MEGF8: variants seen among roughly 807,000 people sequenced by gnomAD.
MEGF8 encodes multiple EGF like domains 8.
Under a neutral mutation model 302.9 loss-of-function variants are expected in MEGF8, and 156 were observed. The ratio of observed to expected loss-of-function variants is 0.52; its 90% CI spans 0.45 to 0.59. MEGF8 has a LOEUF of 0.59. MEGF8 is among the 20% of genes least tolerant of loss of function. The probability of loss-of-function intolerance (pLI) is 0.00; values close to 1 mark genes in which losing one functional copy is unlikely to be tolerated. For missense variants in MEGF8, 3,345 were observed against 3,964.5 expected (o/e 0.84, Z 4.20); for synonymous variants, 1,621 against 1,660.5 (o/e 0.98, Z 0.58).
rs2039687140 is a variant in MEGF8 at position 42,371,280 on chromosome 19, C to T, written c.7137-70C>T. On this transcript the variant is annotated intron_variant, in intron 40 of 41. Transcript: ENST00000251268. ...CTGGCCTGTTGCACAGAGTTGAGCTCACATATGGGGTGTCCATCCTGGACC... is the reference window on the plus strand; with the variant it reads ...CTGGCCTGTTGCACAGAGTTGAGCTTACATATGGGGTGTCCATCCTGGACC... 4 of 1,565,360 alleles carry T rather than the reference C, an allele frequency of 2.6e-6. No individual in the cohort carries two copies. In the Admixed American group the frequency reaches 5.5e-5, roughly 22 times the overall value.
intron 41 of MEGF8, among the ~76,000 whole-genome samples, chr19:42,371,930 A>T (rs1600078031): frequency 6.6e-6 from 1 of 151,974 alleles, no homozygotes. Context: ...AAAAAAATTT[A>T]AAAATTAGCC....
chr19:42,342,541 G>A (rs964996534), intron 8 of MEGF8, among the ~76,000 whole-genome samples: 19 of 152,082 alleles, frequency 1.2e-4, no homozygotes, highest in Admixed American at 6.6e-4. Context: ...GGAGGCTGAG[G>A]CAGGAGAATG....
chr19:42,350,180 C>T lies in MEGF8; in HGVS notation c.2532C>T (p.Arg844=), dbSNP rs376907694. 5.6e-6 allele frequency: 9 copies of T among 1,613,506 alleles called. No individual in the cohort carries two copies. Among genetic ancestry groups the T allele is most frequent in the Non-Finnish European group, 5.9e-6 (7 of 1,179,612 alleles). Residue 844 remains arginine (R), a synonymous_variant, in exon 15 of 42, where the codon CGC becomes CGT. Coordinates refer to ENST00000251268, the MANE Select transcript of MEGF8 (RefSeq NM_001271938.2). ...CCTTCTTCTTCCTGGAGCCCTACCG[C>T]TCGTCGTCCTGCACCTCCTATTCTT... ...EISFFFLEPY[R]SSSCTSYSSC... is the part of the protein sequence containing the mutation.
chr19:42,364,860 G>A (rs2039581950), intron 35 of MEGF8, among the ~76,000 whole-genome samples: 1 of 152,194 alleles, frequency 6.6e-6, no homozygotes, highest in African/African-American at 2.4e-5. Context: ...TTAAATGGGG[G>A]AGAATTTACT....
chr19:42,356,323 A>T lies in MEGF8; in HGVS notation c.4504-12A>T, dbSNP rs751792590. The T allele has an allele frequency of 5.6e-6, 9 of 1,607,960 alleles. No homozygotes were observed. The South Asian group carries it at 1.0e-4, about 18-fold the overall frequency. On this transcript the variant is annotated splice_polypyrimidine_tract_variant and intron_variant, in intron 25 of 41. Coordinates refer to ENST00000251268, the MANE Select transcript of MEGF8 (RefSeq NM_001271938.2). The surrounding 1 kb of genome is among the most constrained non-coding windows in gnomAD (Gnocchi z 5.2). Reference sequence around the variant, plus strand: ...CCCTAGCCTGATCCCCAATGTCCGCACCCACCCCTAGGACACTGCCAGCCG... The same window carrying T: ...CCCTAGCCTGATCCCCAATGTCCGCTCCCACCCCTAGGACACTGCCAGCCG...
At position 42,344,655 on chromosome 19, in the gene MEGF8, C is replaced by G. The variant is rs1422490566; in HGVS notation, c.1934-15C>G. On this transcript the variant is annotated splice_polypyrimidine_tract_variant and intron_variant, in intron 11 of 41. Coordinates refer to ENST00000251268, the MANE Select transcript of MEGF8 (RefSeq NM_001271938.2). The surrounding 1 kb of genome is among the most constrained non-coding windows in gnomAD (Gnocchi z 4.5). Reference sequence around the variant, plus strand: ...TCCACACTGACCCACCGGCCCCCACCCCCTGTCTTCTCAGAGCAGGCCCGC... The same window carrying G: ...TCCACACTGACCCACCGGCCCCCACGCCCTGTCTTCTCAGAGCAGGCCCGC... The G allele has an allele frequency of 3.2e-6, 5 of 1,563,528 alleles. No homozygotes were observed. The highest frequency in any genetic ancestry group is 4.3e-6 in the Non-Finnish European group (5 of 1,151,090).
Position 42,360,866 on chromosome 19 carries a change from G to C in MEGF8, c.5580G>C (p.Gly1860=), listed in dbSNP as rs1568571996. ...GSRLYISGGF[G]GVALGRLLAL... ...GCCTGTATATCTCTGGGGGTTTCGGGGGAGTGGCCCTGGGCCGCCTGCTGG... is the reference window on the plus strand; with the variant it reads ...GCCTGTATATCTCTGGGGGTTTCGGCGGAGTGGCCCTGGGCCGCCTGCTGG... Residue 1860 remains glycine (G), a synonymous_variant, in exon 32 of 42, where the codon GGG becomes GGC. Transcript: ENST00000251268. 1 of 1,613,532 alleles carries C rather than the reference G, an allele frequency of 6.2e-7. No individual in the cohort carries two copies.
In MEGF8 at chr19:42,363,156, C is replaced by T; in HGVS notation, c.6167C>T (p.Pro2056Leu). The T allele has an allele frequency of 1.2e-6, 2 of 1,612,652 alleles. No individual in the cohort carries two copies. The highest frequency in any genetic ancestry group is 1.7e-6 in the Non-Finnish European group (2 of 1,179,362). ...PMPVESSPPLPCPTPCHLLPN... is the reference protein window; with the variant it reads ...PMPVESSPPLLCPTPCHLLPN... ...CCGGTGGAATCATCACCCCCACTGC[C>T]CTGCCCCACCCCTTGTCACCTCCTA... The change falls in exon 35 of 42, where the codon CCC becomes CTC. Residue 2056 changes from proline to leucine, a missense_variant. Physicochemically the swap from Pro to Leu is moderately conservative, Grantham distance 98. Coordinates refer to ENST00000251268, the MANE Select transcript of MEGF8 (RefSeq NM_001271938.2).
At chr19:42,359,415 T>C (rs2039500632) in intron 31 of MEGF8, among the ~76,000 whole-genome samples, 173 bp downstream of exon 31, 1 of 151,234 alleles carries the variant, frequency 6.6e-6, no homozygotes, top group Admixed American at 6.6e-5. Context: ...CTTTTTTTTT[T>C]CTTAGAGAAG....
chr19:42,334,986 C>A, intron 3 of MEGF8, 49 bp from the exon 4 acceptor site: 1 of 1,551,734 alleles, frequency 6.4e-7, no homozygotes, highest in Non-Finnish European at 8.7e-7. Flanking sequence ...GTCTCTCTGT[C>A]CTTGTCTCTC....
chr19:42,372,441 C>G (rs2039705790), intron 41 of MEGF8, among the ~76,000 whole-genome samples: 1 of 152,148 alleles, frequency 6.6e-6, no homozygotes, highest in South Asian at 2.1e-4. Flanking sequence ...GTCCCAGGCT[C>G]CTTCCTCAGA....
chr19:42,329,046 C>T (rs2039022087), intron 1 of MEGF8, among the ~76,000 whole-genome samples: 5 of 152,130 alleles, frequency 3.3e-5, no homozygotes, highest in Admixed American at 3.3e-4. Context: ...GGTTCTGAAG[C>T]ATGCATAGGA....
At chr19:42,371,212 C>G in intron 40 of MEGF8, 138 bp from the exon 41 acceptor site, 1 of 1,203,832 alleles carries the variant, frequency 8.3e-7, no homozygotes, top group Admixed American at 2.6e-5. Flanking sequence ...GCTTTGTGGC[C>G]TTGGGCAAAC....
chr19:42,340,589 G>A (rs957223634), intron 8 of MEGF8, among the ~76,000 whole-genome samples: 6 of 152,194 alleles, frequency 3.9e-5, no homozygotes, highest in African/African-American at 9.6e-5. Context: ...TGATCTGCCC[G>A]CCTGGGCCTC....
rs551564634 is a variant in MEGF8 at position 42,358,521 on chromosome 19, G to A, written c.5175+214G>A. 6.6e-6 allele frequency among the ~76,000 whole-genome samples: 1 copy of A among 152,318 alleles called. No homozygotes were observed. The highest frequency in any genetic ancestry group is 2.4e-5 in the African/African-American group (1 of 41,564). On this transcript the variant is annotated intron_variant, in intron 29 of 41. Transcript: ENST00000251268. The surrounding 1 kb of genome is among the most constrained non-coding windows in gnomAD (Gnocchi z 4.4). ...AGGTCAGAGGCATGAGTTCTGCCCAGCTCTCCCCTGAGTCTTGGTGCGGCC... is the reference window on the plus strand; with the variant it reads ...AGGTCAGAGGCATGAGTTCTGCCCAACTCTCCCCTGAGTCTTGGTGCGGCC...
Position 42,357,087 on chromosome 19 carries a change from A to G in MEGF8, c.4830+106A>G. On this transcript the variant is annotated intron_variant, in intron 27 of 41. Coordinates refer to ENST00000251268, the MANE Select transcript of MEGF8 (RefSeq NM_001271938.2). The surrounding 1 kb of genome is among the most constrained non-coding windows in gnomAD (Gnocchi z 5.2). ...CATCCCCAGAGGAAACAGAAGCCCC[A>G]AACTTGAATTTCCTCGGCCATCCTG... 1 of 1,236,046 alleles carries G rather than the reference A, an allele frequency of 8.1e-7. No individual in the cohort carries two copies. Among genetic ancestry groups the G allele is most frequent in the South Asian group, 1.5e-5 (1 of 66,238 alleles). The allele number at this position is 1,236,046 out of a possible 1,614,324, so 76.6% of individuals were successfully genotyped here. A position where few individuals can be genotyped will look rare whatever the true frequency, so the allele number is the denominator to read the frequency against.
rs1192884791 is a variant in MEGF8 at position 42,368,317 on chromosome 19, A to G, written c.6274-138A>G. 7.4e-5 allele frequency: 52 copies of G among 704,606 alleles called. No homozygotes were observed. Among genetic ancestry groups the G allele is most frequent in the Non-Finnish European group, 1.2e-4 (49 of 424,694 alleles). The allele number at this position is 704,606 out of a possible 1,614,324, so 43.6% of individuals were successfully genotyped here. The stretch of plus-strand genomic sequence containing the variant: ...AACATGATGACCCCAGCTAGTGTCC[A>G]CTTTGCTCTACCTGTGGCCAGGGAG... On this transcript the variant is annotated intron_variant, in intron 35 of 41. Coordinates refer to ENST00000251268, the MANE Select transcript of MEGF8 (RefSeq NM_001271938.2). The surrounding 1 kb of genome is among the most constrained non-coding windows in gnomAD (Gnocchi z 4.9).
rs1408225648 is a variant in MEGF8 at position 42,352,998 on chromosome 19, T to C, written c.3421T>C (p.Trp1141Arg). Residue 1141 changes from tryptophan (W) to arginine (R), a missense_variant, in exon 20 of 42, where the codon TGG becomes CGG. Trp to Arg is a moderately radical substitution (Grantham distance 101). Transcript: ENST00000251268. This position sits in a 1 kb window ranked among gnomAD's most constrained non-coding sequence, Gnocchi z 4.4. Reference sequence around the variant, plus strand: ...CTTTACCTGCGTGTGTGACCTAGGCTGGACATCAGACCTGCCCCCTCCCAC... The same window carrying C: ...CTTTACCTGCGTGTGTGACCTAGGCCGGACATCAGACCTGCCCCCTCCCAC... Reference protein sequence around the residue: ...PDFTCVCDLGWTSDLPPPTPA... With the variant: ...PDFTCVCDLGRTSDLPPPTPA... 1.3e-6 allele frequency: 2 copies of C among 1,589,456 alleles called. No individual in the cohort carries two copies. Among genetic ancestry groups the C allele is most frequent in the Non-Finnish European group, 1.7e-6 (2 of 1,168,684 alleles).
At chr19:42,348,726 C>T (rs1021340244) in intron 13 of MEGF8, among the ~76,000 whole-genome samples, 4 of 152,090 alleles carry the variant, frequency 2.6e-5, no homozygotes, top group African/African-American at 9.7e-5. Flanking sequence ...CAGCCTCCCA[C>T]GTAGCTGGGA....
Sources: allele counts gnomAD v4.1 joint callset (sites outside exome capture counted in the v4.1 genomes callset), GRCh38; gene constraint gnomAD v4.1.1; non-coding constraint Gnocchi (gnomAD v3.1); transcripts MANE v1.5; gene names NCBI Gene and HGNC (gene_info 2026-07-23, HGNC 2026-07-21).